Variants in RHOT1 observed in about 807,000 individuals in gnomAD.
The protein encoded by RHOT1 is ras homolog family member T1.
Under a neutral mutation model 95.3 loss-of-function variants are expected in RHOT1, and 27 were observed. That is an observed-to-expected ratio of 0.28 (90% confidence interval 0.21 to 0.39). The LOEUF (loss-of-function observed/expected upper bound fraction) is 0.39. RHOT1 is among the 10% of genes least tolerant of loss of function. The pLI is 1.00. For missense variants in RHOT1, 578 were observed against 786.7 expected, an observed-to-expected ratio of 0.73 and a Z score of 3.17; for synonymous variants, 227 against 263.5, an observed-to-expected ratio of 0.86 and a Z score of 1.34.
chr17:32,178,722 C>T (rs920633790), intron 6 of RHOT1, among the ~76,000 whole-genome samples: 31 of 148,144 alleles, frequency 2.1e-4, no homozygotes, highest in East Asian at 4.0e-4. Context: ...TCTGCCCAGC[C>T]GCCCTGTCTG....
chr17:32,217,363 A>G (rs944415391), intron 19 of RHOT1, among the ~76,000 whole-genome samples: 1 of 152,194 alleles, frequency 6.6e-6, no homozygotes, highest in African/African-American at 2.4e-5. Context: ...TTATCCTAAT[A>G]AATATCCTAT....
At chr17:32,220,359 G>T (rs2038751353) in intron 19 of RHOT1, among the ~76,000 whole-genome samples, 1 of 152,134 alleles carries the variant, frequency 6.6e-6, no homozygotes, top group African/African-American at 2.4e-5. Context: ...GCAAGACGCT[G>T]TCTCTGAAAA....
At chr17:32,206,348 G>A (rs967354433) in intron 16 of RHOT1, among the ~76,000 whole-genome samples, 6 of 150,714 alleles carry the variant, frequency 4.0e-5, no homozygotes, top group African/African-American at 1.5e-4. Context: ...TGGGACTACA[G>A]GCACACGTCA....
At chr17:32,203,243 G>GACATATT (rs1253539705) in intron 15 of RHOT1, among the ~76,000 whole-genome samples, 1 of 141,896 alleles carries the variant, frequency 7.0e-6, no homozygotes, top group Non-Finnish European at 1.5e-5. Flanking sequence ...AGAAGAAGAA[G>GACATATT]ACATATTTCT....
chr17:32,192,330 A>ATAT, intron 9 of RHOT1, 31 bp downstream of exon 9: 4 of 776,102 alleles, frequency 5.2e-6, no homozygotes, highest in Non-Finnish European at 6.0e-6. Flanking sequence ...ACATTTGCGT[A>ATAT]TCTTTTTTTT....
At chr17:32,154,137 T>TA (rs759420536) in intron 1 of RHOT1, among the ~76,000 whole-genome samples, 320 of 132,784 alleles carry the variant, frequency 2.4e-3, no homozygotes, top group Middle Eastern at 7.5e-3. Context: ...ACTTTGTCTC[T>TA]AAAAAAAAAA....
intron 15 of RHOT1, among the ~76,000 whole-genome samples, chr17:32,203,362 A>G (rs1473619837): frequency 6.8e-6 from 1 of 147,178 alleles, no homozygotes; most frequent in South Asian, 2.1e-4. Context: ...TGCAGCCTCA[A>G]CCACCTGGGC....
chr17:32,157,532 C>T (rs1273815481), intron 1 of RHOT1, among the ~76,000 whole-genome samples: 3 of 152,194 alleles, frequency 2.0e-5, no homozygotes, highest in South Asian at 2.1e-4. Context: ...CATGTGTTGG[C>T]TGGGCGCAGT....
chr17:32,209,484 T>C, intron 18 of RHOT1: 1 of 1,246,484 alleles, frequency 8.0e-7, no homozygotes, highest in Admixed American at 1.8e-5. Context: ...TGGGATTTTG[T>C]TGATATTTTC....
intron 1 of RHOT1, chr17:32,151,103 C>G: frequency 1.1e-6 from 1 of 921,958 alleles, no homozygotes; most frequent in Admixed American, 1.7e-5. Flanking sequence ...AGGTTATCAT[C>G]TCACATCCTC....
At position 32,155,599 on chromosome 17, in the gene RHOT1, G is replaced by A. The variant is rs1465139138; in HGVS notation, c.37+12870G>A. ...ACTCTGTTGCCCAAGCTGGAGTGCA[G>A]TGGCTCAATCATGGCTCACTGCAGC... On this transcript the variant is annotated intron_variant, in intron 1 of 19. Coordinates refer to ENST00000545287, the MANE Select transcript of RHOT1 (RefSeq NM_001033566.3). Among the ~76,000 whole-genome samples, 3 of 150,590 alleles carry A rather than the reference G, an allele frequency of 2.0e-5. No individual in the cohort carries two copies. The Admixed American group carries it at 2.0e-4, about 10-fold the overall frequency.
At chr17:32,176,326 A>T (rs771782295) in intron 6 of RHOT1, 113 bp downstream of exon 6, 7 of 828,390 alleles carry the variant, frequency 8.5e-6, no homozygotes, top group Non-Finnish European at 1.3e-5. Context: ...TTTACTAGGT[A>T]ACGTTTTGCC....
intron 16 of RHOT1, among the ~76,000 whole-genome samples, chr17:32,204,999 C>G (rs1172809022): frequency 6.7e-6 from 1 of 149,990 alleles, no homozygotes; most frequent in South Asian, 2.1e-4. Flanking sequence ...AAAAAAAAGT[C>G]GAAAAAACTG....
intron 19 of RHOT1, among the ~76,000 whole-genome samples, chr17:32,213,539 T>G (rs2038267196): frequency 6.6e-6 from 1 of 152,220 alleles, no homozygotes; most frequent in African/African-American, 2.4e-5. Context: ...TCTTCCTGTC[T>G]TATCAGATAT....
intron 1 of RHOT1, chr17:32,150,662 C>A (rs73989707): frequency 0.18 from 292,936 of 1,595,848 alleles, 28,136 homozygotes; most frequent in South Asian, 0.27. Context: ...ATCTCATTCT[C>A]ATCAGGAAGA....
intron 4 of RHOT1, 22 bp from the exon 5 acceptor site, chr17:32,175,940 A>T: frequency 6.7e-7 from 1 of 1,482,930 alleles, no homozygotes; most frequent in South Asian, 1.3e-5. Flanking sequence ...AGATACGATT[A>T]ATTTGTTAAT....
At chr17:32,176,140 G>C in intron 5 of RHOT1, 21 bp from the exon 6 acceptor site, 1 of 1,608,408 alleles carries the variant, frequency 6.2e-7, no homozygotes, top group East Asian at 2.2e-5. Flanking sequence ...ATGGCTAAGC[G>C]CTTGTTAATT....
chr17:32,157,224 C>T (rs557676476), intron 1 of RHOT1, among the ~76,000 whole-genome samples: 2 of 152,264 alleles, frequency 1.3e-5, no homozygotes, highest in African/African-American at 2.4e-5. Context: ...AGTAATCATC[C>T]GCATTCCTGA....
chr17:32,187,346 G>A (rs1179954519), intron 8 of RHOT1, among the ~76,000 whole-genome samples: 1 of 151,938 alleles, frequency 6.6e-6, no homozygotes, highest in African/African-American at 2.4e-5. Context: ...TTGAACTCCT[G>A]GCCTCCTCCT....
Sources: gnomAD v4.1 joint callset for allele counts (sites outside exome capture counted in the v4.1 genomes callset) on GRCh38, gnomAD v4.1.1 for gene constraint, MANE v1.5 for transcripts, NCBI Gene and HGNC (gene_info 2026-07-23, HGNC 2026-07-21) for gene names.